The following ZC2HC1A variants were observed in gnomAD, a reference collection of about 807,000 sequenced individuals.
ZC2HC1A encodes zinc finger C2HC-type containing 1A.
In ZC2HC1A, 28 loss-of-function variants were observed where a neutral mutation model predicts 40.7. The ratio of observed to expected loss-of-function variants is 0.69; its 90% CI spans 0.51 to 0.94. The LOEUF is 0.94. Among genes scored for constraint, ZC2HC1A ranks in the 40% least tolerant of loss-of-function variants. The pLI, the probability that ZC2HC1A is intolerant of heterozygous loss-of-function variation, is 0.00. For synonymous variants in ZC2HC1A, 129 were observed against 129.2 expected (o/e 1.00, Z 0.01); for missense variants, 389 against 386.3 (o/e 1.01, Z -0.06).
chr8:78,708,767 G>T (rs1001941927), intron 7 of ZC2HC1A, among the ~76,000 whole-genome samples: 3 of 148,600 alleles, frequency 2.0e-5, no homozygotes, highest in African/African-American at 7.5e-5. Flanking sequence ...CGTAACCTCC[G>T]CCTCCTGGAT....
chr8:78,710,550 T>A (rs992597017), intron 7 of ZC2HC1A, among the ~76,000 whole-genome samples: 2 of 152,072 alleles, frequency 1.3e-5, no homozygotes, highest in African/African-American at 4.8e-5. Flanking sequence ...TTTTAAAATA[T>A]AGTCAAAAAT....
At chr8:78,675,740 C>T in intron 1 of ZC2HC1A, 47 bp from the exon 2 acceptor site, 3 of 1,473,684 alleles carry the variant, frequency 2.0e-6, no homozygotes, top group Non-Finnish European at 2.8e-6. Flanking sequence ...TGAAGTTTCA[C>T]AATTTCAAGT....
At chr8:78,701,963 G>C (rs1810619380) in intron 7 of ZC2HC1A, among the ~76,000 whole-genome samples, 1 of 152,054 alleles carries the variant, frequency 6.6e-6, no homozygotes, top group African/African-American at 2.4e-5. Flanking sequence ...GCCAGGTTTT[G>C]GTATCAGGGT....
Position 78,689,235 on chromosome 8 carries a change from T to A in ZC2HC1A, c.366T>A (p.Cys122Ter). ...PPSYDPDYIQ[C>*]PYCQRRFNEN... Reference sequence around the variant, plus strand: ...TATCTGTTATAGATTATATTCAATGTCCATATTGTCAGAGGAGATTCAATG... The same window carrying A: ...TATCTGTTATAGATTATATTCAATGACCATATTGTCAGAGGAGATTCAATG... Residue 122 changes from cysteine (C) to a stop codon, truncating the protein, a stop_gained, in exon 5 of 9, where the codon TGT (cysteine) becomes TGA (stop). Transcript: ENST00000263849. LOFTEE classifies it high-confidence loss of function. 6.4e-7 allele frequency: 1 copy of A among 1,571,422 alleles called. No homozygotes were observed. The highest frequency in any genetic ancestry group is 8.6e-7 in the Non-Finnish European group (1 of 1,160,278).
intron 5 of ZC2HC1A, among the ~76,000 whole-genome samples, chr8:78,693,174 T>C (rs952919426): frequency 1.3e-5 from 2 of 152,174 alleles, no homozygotes; most frequent in African/African-American, 2.4e-5. Flanking sequence ...CTATTGTGAA[T>C]AGTGCCGCAA....
chr8:78,694,677 G>C (rs1244795619), intron 5 of ZC2HC1A, among the ~76,000 whole-genome samples: 1 of 152,090 alleles, frequency 6.6e-6, no homozygotes, highest in African/African-American at 2.4e-5. Flanking sequence ...GGTCTAAATA[G>C]TAAGTTCTAC....
At chr8:78,676,228 A>G (rs1176630493) in intron 2 of ZC2HC1A, 1 of 156,398 alleles carries the variant, frequency 6.4e-6, no homozygotes, top group East Asian at 1.8e-4. Context: ...TCAGGAAAAA[A>G]TCAGGGATAG....
At chr8:78,680,533 A>G (rs187796713) in intron 3 of ZC2HC1A, among the ~76,000 whole-genome samples, 1 of 152,330 alleles carries the variant, frequency 6.6e-6, no homozygotes, top group Admixed American at 6.5e-5. Context: ...AGAAGATTTG[A>G]ATGTTGTAAG....
intron 5 of ZC2HC1A, 85 bp downstream of exon 5, chr8:78,689,458 A>G: frequency 7.7e-7 from 1 of 1,303,440 alleles, no homozygotes; most frequent in South Asian, 2.1e-5. Flanking sequence ...TCATGACATT[A>G]GACTATATTT....
chr8:78,687,791 ACATTATATATATTCATG>A (rs1221373315), intron 4 of ZC2HC1A, among the ~76,000 whole-genome samples: 3 of 134,980 alleles, frequency 2.2e-5, no homozygotes, highest in Non-Finnish European at 3.1e-5. Context: ...TTTACGTAAT[ACATTATATATATTCATG>A]TAATAAATAT....
chr8:78,715,084 A>G, intron 7 of ZC2HC1A, 137 bp from the exon 8 acceptor site: 1 of 730,244 alleles, frequency 1.4e-6, no homozygotes, highest in Non-Finnish European at 2.1e-6. Context: ...TTTCAGATTT[A>G]AAATAATTAT....
At chr8:78,694,750 A>T (rs1810343899) in intron 5 of ZC2HC1A, among the ~76,000 whole-genome samples, 1 of 152,158 alleles carries the variant, frequency 6.6e-6, no homozygotes, top group African/African-American at 2.4e-5. Flanking sequence ...ATTAGTCATT[A>T]GTCTTTGTAT....
intron 7 of ZC2HC1A, 144 bp downstream of exon 7, chr8:78,698,657 C>CA: frequency 3.8e-6 from 2 of 522,402 alleles, no homozygotes; most frequent in Non-Finnish European, 6.2e-6. Context: ...GGAGCACACT[C>CA]ACTGCTGTTG....
In ZC2HC1A at chr8:78,717,445, A is replaced by G; in HGVS notation, c.930A>G (p.Glu310=). 6.2e-7 allele frequency: 1 copy of G among 1,606,602 alleles called. No individual in the cohort carries two copies. The highest frequency in any genetic ancestry group is 1.3e-5 in the African/African-American group (1 of 74,488). The part of the protein sequence containing the change: ...CHECGTKYPV[E]WAKFCCECGI... ...AGTGTGGGACTAAATACCCTGTAGA[A>G]TGGGCCAAATTTTGCTGTGAATGTG... The change falls in exon 9 of 9, where the codon GAA becomes GAG. Residue 310 remains glutamate, a synonymous_variant. Coordinates refer to ENST00000263849, the MANE Select transcript of ZC2HC1A (RefSeq NM_016010.3).
chr8:78,704,954 G>A (rs1374185861), intron 7 of ZC2HC1A, among the ~76,000 whole-genome samples: 1 of 152,138 alleles, frequency 6.6e-6, no homozygotes, highest in Non-Finnish European at 1.5e-5. Flanking sequence ...TATCAGGTTG[G>A]TTATGTTCTT....
chr8:78,703,536 CTTTT>C (rs35710652), intron 7 of ZC2HC1A, among the ~76,000 whole-genome samples: 1 of 139,706 alleles, frequency 7.2e-6, no homozygotes, highest in South Asian at 2.3e-4. Context: ...TAATACCCTT[CTTTT>C]TTTTTTTTTT....
chr8:78,702,996 A>G (rs1810656146), intron 7 of ZC2HC1A, among the ~76,000 whole-genome samples: 1 of 152,104 alleles, frequency 6.6e-6, no homozygotes. Context: ...TCCTGGGTTC[A>G]AGCGATTCTC....
At chr8:78,679,144 T>A (rs1191713604) in intron 3 of ZC2HC1A, 1 of 152,290 alleles carries the variant, frequency 6.6e-6, no homozygotes, top group Non-Finnish European at 1.5e-5. Context: ...GGATTTGTAA[T>A]CTATATTATG....
At chr8:78,682,290 G>C (rs1809812782) in intron 3 of ZC2HC1A, among the ~76,000 whole-genome samples, 1 of 151,500 alleles carries the variant, frequency 6.6e-6, no homozygotes. Flanking sequence ...GAAGAAATTG[G>C]ATGCATAGAT....
Sources: gnomAD v4.1 joint callset for allele counts (sites outside exome capture counted in the v4.1 genomes callset) on GRCh38, gnomAD v4.1.1 for gene constraint, MANE v1.5 for transcripts, NCBI Gene and HGNC (gene_info 2026-07-23, HGNC 2026-07-21) for gene names.